LIMCH1: variants seen among roughly 807,000 people sequenced by gnomAD.
LIMCH1 encodes LIM and calponin homology domains 1.
LIMCH1 carries 113 observed loss-of-function variants against 176.5 expected under a neutral mutation model. That is an observed-to-expected ratio of 0.64 (90% CI 0.55 to 0.75). LIMCH1 has a LOEUF of 0.75. LIMCH1 is among the 30% of genes least tolerant of loss of function. The pLI is 0.00. For missense variants in LIMCH1, 1,674 were observed against 1,814.9 expected, an observed-to-expected ratio of 0.92 and a Z score of 1.41; for synonymous variants, 619 against 645.9, an observed-to-expected ratio of 0.96 and a Z score of 0.63.
At chr4:41,650,662 A>G (rs1328665328) in intron 18 of LIMCH1, 54 bp downstream of exon 18, 2 of 1,435,248 alleles carry the variant, frequency 1.4e-6, no homozygotes, top group Admixed American at 4.3e-5. Context: ...TGGTGAAAGA[A>G]TCTGTTTTTA....
intron 1 of LIMCH1, among the ~76,000 whole-genome samples, chr4:41,434,332 T>C (rs1002284602): frequency 2.6e-5 from 4 of 152,124 alleles, no homozygotes; most frequent in South Asian, 4.2e-4. Context: ...ATGGAATATC[T>C]AGGGTTGTAG....
intron 13 of LIMCH1, among the ~76,000 whole-genome samples, chr4:41,636,491 C>T (rs1281656626): frequency 6.6e-6 from 1 of 151,978 alleles, no homozygotes; most frequent in African/African-American, 2.4e-5. Flanking sequence ...AAAGCTAATA[C>T]AAGTCTCAGA....
At chr4:41,666,839 GA>G (rs1256882106) in intron 21 of LIMCH1, among the ~76,000 whole-genome samples, 173 bp downstream of exon 21, 1 of 152,168 alleles carries the variant, frequency 6.6e-6, no homozygotes, top group East Asian at 1.9e-4. Context: ...GCTGGAGCCG[GA>G]TTCTCTATTT....
intron 3 of LIMCH1, chr4:41,604,152 C>G (rs1235535998): frequency 1.0e-6 from 1 of 954,116 alleles, no homozygotes; most frequent in Non-Finnish European, 1.2e-6. Context: ...AAAGCTTGTA[C>G]TCTGTTTATG....
intron 1 of LIMCH1, among the ~76,000 whole-genome samples, chr4:41,450,105 C>T (rs765059024): frequency 2.6e-5 from 4 of 152,114 alleles, no homozygotes; most frequent in South Asian, 2.1e-4. Context: ...CTGGGGGTTA[C>T]GACTTCATAT....
chr4:41,690,372 C>G (rs17444689), intron 30 of LIMCH1, among the ~76,000 whole-genome samples: 2,702 of 152,298 alleles, frequency 0.018, 38 homozygotes, highest in Non-Finnish European at 0.03. Flanking sequence ...GTTCTAGATT[C>G]TAGTCCCAGA....
intron 21 of LIMCH1, among the ~76,000 whole-genome samples, chr4:41,670,540 CAT>C (rs1335521286): frequency 6.6e-6 from 1 of 152,172 alleles, no homozygotes; most frequent in Non-Finnish European, 1.5e-5. Context: ...TGATTTTGTA[CAT>C]GTCTTCAGGT....
intron 1 of LIMCH1, among the ~76,000 whole-genome samples, chr4:41,576,852 T>G (rs1157784978): frequency 6.6e-6 from 1 of 152,088 alleles, no homozygotes. Context: ...TTTAAAATAT[T>G]AAAATATGGA....
intron 1 of LIMCH1, among the ~76,000 whole-genome samples, chr4:41,450,364 G>T (rs1384701557): frequency 6.6e-6 from 1 of 152,094 alleles, no homozygotes; most frequent in Non-Finnish European, 1.5e-5. Context: ...GAAGAATATG[G>T]GTAAATCACA....
At chr4:41,473,196 GTGTGTGC>G in intron 1 of LIMCH1, 1 of 985,044 alleles carries the variant, frequency 1.0e-6, no homozygotes, top group Non-Finnish European at 1.2e-6. Flanking sequence ...AAGAGGAAAG[GTGTGTGC>G]TGTTTACTGC....
intron 1 of LIMCH1, among the ~76,000 whole-genome samples, chr4:41,554,422 C>T (rs58237668): frequency 0.049 from 7,516 of 152,206 alleles, 645 homozygotes; most frequent in African/African-American, 0.17. Flanking sequence ...CTGCTGTCAC[C>T]TATGAGATGT....
intron 1 of LIMCH1, chr4:41,473,088 C>T: frequency 1.0e-6 from 1 of 985,038 alleles, no homozygotes; most frequent in Non-Finnish European, 1.2e-6. Context: ...CAGATATTGC[C>T]TCTGCATTTT....
At chr4:41,401,839 T>C (rs1033635948) in intron 1 of LIMCH1, among the ~76,000 whole-genome samples, 1 of 152,318 alleles carries the variant, frequency 6.6e-6, no homozygotes, top group East Asian at 1.9e-4. Context: ...TGTTTGTCTG[T>C]TATTGGTGTA....
chr4:41,513,435 G>A (rs746787401), intron 2 of LIMCH1, among the ~76,000 whole-genome samples: 2 of 152,122 alleles, frequency 1.3e-5, no homozygotes, highest in Non-Finnish European at 2.9e-5. Context: ...AGGGGAGATG[G>A]CCATATTGTT....
chr4:41,665,896 C>A (rs576976694), intron 20 of LIMCH1, among the ~76,000 whole-genome samples: 2 of 152,198 alleles, frequency 1.3e-5, no homozygotes, highest in African/African-American at 4.8e-5. Context: ...TTTTACAAAG[C>A]AAACATAAGA....
intron 14 of LIMCH1, 125 bp downstream of exon 14, chr4:41,639,092 A>G (rs2093714078): frequency 1.4e-6 from 1 of 712,954 alleles, no homozygotes; most frequent in African/African-American, 1.9e-5. Flanking sequence ...CTTGTGCAGC[A>G]AAGCACTTGA....
In LIMCH1 at chr4:41,629,492, A is replaced by T; in HGVS notation, c.1029A>T (p.Arg343Ser). ...GTGGGGGCCCGGATCAAATGGACAG[A>T]AACCAGGGCCACACAGAAGAGGTGA... ...ISKKRSLEYK[R>S]NQGHTEEVKL... Residue 343 changes from arginine to serine, a missense_variant and splice_region_variant, in exon 9 of 32, where the codon AGA becomes AGT. Arg to Ser is a moderately radical substitution (Grantham distance 110, BLOSUM62 -1). Coordinates refer to ENST00000503057, the MANE Select transcript of LIMCH1 (RefSeq NM_001330672.2). 6.5e-7 allele frequency: 1 copy of T among 1,535,944 alleles called. No individual in the cohort carries two copies. Among genetic ancestry groups the T allele is most frequent in the South Asian group, 1.2e-5 (1 of 84,020 alleles).
intron 1 of LIMCH1, among the ~76,000 whole-genome samples, chr4:41,480,471 G>A (rs2068409822): frequency 6.6e-6 from 1 of 152,132 alleles, no homozygotes; most frequent in Non-Finnish European, 1.5e-5. Flanking sequence ...GCTGGGTGTG[G>A]TGGCATGCAT....
At chr4:41,545,120 T>C (rs4368643) in intron 1 of LIMCH1, among the ~76,000 whole-genome samples, 61,022 of 152,072 alleles carry the variant, frequency 0.4, 18,273 homozygotes, top group African/African-American at 0.85. Context: ...TTCTGTTCTT[T>C]GTACTCAAAT....
Sources: allele counts gnomAD v4.1 joint callset (sites outside exome capture counted in the v4.1 genomes callset), GRCh38; gene constraint gnomAD v4.1.1; transcripts MANE v1.5; gene names NCBI Gene and HGNC (gene_info 2026-07-23, HGNC 2026-07-21).